Variants in TPP2 observed in about 807,000 individuals in gnomAD.
TPP2 encodes the protein tripeptidyl-peptidase 2.
In TPP2, 34 loss-of-function variants were observed where a neutral mutation model predicts 155.9. The observed-to-expected ratio is 0.22, with a 90% CI of 0.17 to 0.29. The LOEUF is 0.29. Among genes scored for constraint, TPP2 ranks in the 10% least tolerant of loss-of-function variants. The pLI is 1.00. For missense variants in TPP2, 1,028 were observed against 1,522.3 expected (o/e 0.68, Z 5.40); for synonymous variants, 510 against 529.4 (o/e 0.96, Z 0.50).
intron 24 of TPP2, among the ~76,000 whole-genome samples, chr13:102,655,222 G>A (rs529271236): frequency 2.6e-4 from 39 of 152,180 alleles, no homozygotes; most frequent in African/African-American, 8.7e-4. Flanking sequence ...TTTATACCCC[G>A]AAATTGTGTT....
chr13:102,659,086 T>A (rs1884039109), intron 25 of TPP2, among the ~76,000 whole-genome samples: 1 of 152,204 alleles, frequency 6.6e-6, no homozygotes, highest in Non-Finnish European at 1.5e-5. Context: ...TTCATAAAAC[T>A]GATAGCTCCT....
chr13:102,645,127 T>G, intron 19 of TPP2, 118 bp downstream of exon 19: 1 of 941,590 alleles, frequency 1.1e-6, no homozygotes, highest in Non-Finnish European at 1.6e-6. Flanking sequence ...GGTGAGAATT[T>G]TATCCTTGCC....
At chr13:102,647,685 G>A (rs952383666) in intron 21 of TPP2, among the ~76,000 whole-genome samples, 3 of 152,126 alleles carry the variant, frequency 2.0e-5, no homozygotes, top group African/African-American at 4.8e-5. Context: ...AAAGAGATGC[G>A]AGCCTCTTGA....
chr13:102,650,709 AG>A (rs1413100445), intron 23 of TPP2, among the ~76,000 whole-genome samples: 2 of 152,206 alleles, frequency 1.3e-5, no homozygotes, highest in African/African-American at 4.8e-5. Context: ...AAGCATTATT[AG>A]TAAAAGTGGG....
Position 102,674,392 on chromosome 13 carries a change from G to C in TPP2, c.3481G>C (p.Asp1161His). The change falls in exon 28 of 30, where the codon GAT becomes CAT. Residue 1161 changes from aspartate to histidine, a missense_variant. Coordinates refer to ENST00000376052, the MANE Select transcript of TPP2 (RefSeq NM_001330588.2). ...TQAQDGAIST[D>H]AEGKEEEGES... The stretch of plus-strand genomic sequence containing the variant: ...GGCTCAAGACGGAGCCATTTCCACT[G>C]ATGCAGAAGGAAAGGAGGAGGAAGG... 6.2e-7 allele frequency: 1 copy of C among 1,613,984 alleles called. No individual in the cohort carries two copies. Among genetic ancestry groups the C allele is most frequent in the Non-Finnish European group, 8.5e-7 (1 of 1,179,892 alleles).
chr13:102,618,917 C>A, intron 5 of TPP2, 71 bp downstream of exon 5: 1 of 1,529,170 alleles, frequency 6.5e-7, no homozygotes, highest in Non-Finnish European at 8.8e-7. Context: ...ACATTAAATG[C>A]TCAGAGCTGC....
rs764489016 is a variant in TPP2, at chr13:102,597,014, C to T, written c.-25C>T. ...CCGCGCGCAGCCTGGCAGTTTGCCGCTTCCTCGTCCTCCATCCTGCGTCCA... is the reference window on the plus strand; with the variant it reads ...CCGCGCGCAGCCTGGCAGTTTGCCGTTTCCTCGTCCTCCATCCTGCGTCCA... On this transcript the variant is annotated 5_prime_UTR_variant, in exon 1 of 30. Coordinates refer to ENST00000376052, the MANE Select transcript of TPP2 (RefSeq NM_001330588.2). 9.3e-6 allele frequency: 15 copies of T among 1,606,794 alleles called. 1 individual carries two copies. Among genetic ancestry groups the T allele is most frequent in the Middle Eastern group, 2.1e-4 (1 of 4,656 alleles).
intron 1 of TPP2, among the ~76,000 whole-genome samples, chr13:102,600,540 A>G (rs1311690496): frequency 6.6e-6 from 1 of 152,202 alleles, no homozygotes; most frequent in Non-Finnish European, 1.5e-5. Context: ...TCCCCTTAAT[A>G]GCACCTGAAA....
In TPP2 at chr13:102,643,307, A is replaced by C. The variant is rs750652169; in HGVS notation, c.2106A>C (p.Arg702=). 2 of 1,613,510 alleles carry C rather than the reference A, an allele frequency of 1.2e-6. No homozygotes were observed. Among genetic ancestry groups the C allele is most frequent in the Non-Finnish European group, 1.7e-6 (2 of 1,179,752 alleles). Residue 702 remains arginine (R), a synonymous_variant, in exon 17 of 30, where the codon CGA becomes CGC. Transcript: ENST00000376052. The stretch of plus-strand genomic sequence containing the variant: ...AGCTTGTGAAGCAAAGAGCATATCG[A>C]AGCCATGAATTCTATAAGTTTTGTT... ...AVQLVKQRAY[R]SHEFYKFCSL...
At chr13:102,640,840 C>T (rs915807816) in intron 16 of TPP2, among the ~76,000 whole-genome samples, 1 of 151,766 alleles carries the variant, frequency 6.6e-6, no homozygotes, top group East Asian at 1.9e-4. Flanking sequence ...TTAGTAGACA[C>T]GAGGTTTCAC....
chr13:102,658,304 C>A (rs1037858917), intron 25 of TPP2, among the ~76,000 whole-genome samples: 1 of 152,144 alleles, frequency 6.6e-6, no homozygotes, highest in African/African-American at 2.4e-5. Flanking sequence ...AAATATTTCC[C>A]AGAGATTGAA....
At chr13:102,661,902 G>T (rs1884253940) in intron 25 of TPP2, among the ~76,000 whole-genome samples, 1 of 152,106 alleles carries the variant, frequency 6.6e-6, no homozygotes, top group Admixed American at 6.5e-5. Flanking sequence ...TTTCCATATG[G>T]CCCAGCAGTT....
At chr13:102,601,044 C>G (rs1006042538) in intron 1 of TPP2, among the ~76,000 whole-genome samples, 2 of 152,058 alleles carry the variant, frequency 1.3e-5, no homozygotes, top group African/African-American at 4.8e-5. Flanking sequence ...GCATGTGCCA[C>G]CATACCCAGC....
Position 102,679,283 on chromosome 13 carries a change from T to G in TPP2, c.*967T>G, listed in dbSNP as rs1885487012. 6.6e-6 allele frequency: 1 copy of G among 152,372 alleles called. No individual in the cohort carries two copies. 9.4% of individuals were successfully genotyped at this position (152,372 alleles called of 1,614,324 possible). On this transcript the variant is annotated 3_prime_UTR_variant, in exon 30 of 30. Coordinates refer to ENST00000376052, the MANE Select transcript of TPP2 (RefSeq NM_001330588.2). ...AAGATAATCTATTTTACAGTGTTTC[T>G]TATAGGCTTACAATTATTTGAATGT... is the stretch of plus-strand genomic sequence containing the variant.
rs141112831 is a variant in TPP2, at chr13:102,616,276, C to T, written c.391-120C>T. The T allele has an allele frequency of 9.0e-4, 676 of 750,736 alleles. 4 individuals are homozygous for T. The African/African-American group carries it at 0.011, about 12-fold the overall frequency. The allele number at this position is 750,736 out of a possible 1,614,324, so 46.5% of individuals were successfully genotyped here. A position where few individuals can be genotyped will look rare whatever the true frequency, so the allele number is the denominator to read the frequency against. Reference sequence around the variant, plus strand: ...CCGGCCAAAAATGATTTTTTAAAACCTCTCTATGAGAATTGTGTAGTATCA... The same window carrying T: ...CCGGCCAAAAATGATTTTTTAAAACTTCTCTATGAGAATTGTGTAGTATCA... On this transcript the variant is annotated intron_variant, in intron 3 of 29. Transcript: ENST00000376052.
chr13:102,676,227 A>G (rs1055455101), intron 28 of TPP2, 69 bp from the exon 29 acceptor site: 41 of 1,353,272 alleles, frequency 3.0e-5, no homozygotes, highest in African/African-American at 4.5e-5. Flanking sequence ...CCTTAATTTT[A>G]TGGTTAAAGC....
At chr13:102,626,912 T>C in intron 6 of TPP2, 100 bp from the exon 7 acceptor site, 2 of 1,240,126 alleles carry the variant, frequency 1.6e-6, no homozygotes. Context: ...AGCAGAGTAA[T>C]GTGTATTCTT....
At chr13:102,644,253 T>G (rs1882953619) in intron 17 of TPP2, among the ~76,000 whole-genome samples, 1 of 152,234 alleles carries the variant, frequency 6.6e-6, no homozygotes, top group Non-Finnish European at 1.5e-5. Flanking sequence ...TCCTAATTTT[T>G]TATTTCACTT....
chr13:102,613,069 T>A (rs144751306), intron 2 of TPP2, among the ~76,000 whole-genome samples: 1 of 152,326 alleles, frequency 6.6e-6, no homozygotes, highest in East Asian at 1.9e-4. Context: ...TTCCTATTCT[T>A]TAAAGAAGGT....
Sources: allele counts gnomAD v4.1 joint callset (sites outside exome capture counted in the v4.1 genomes callset), GRCh38; gene constraint gnomAD v4.1.1; transcripts MANE v1.5; gene names NCBI Gene and HGNC (gene_info 2026-07-23, HGNC 2026-07-21).